Variants in HS6ST3 observed in about 807,000 individuals in gnomAD.
HS6ST3 encodes the protein heparan-sulfate 6-O-sulfotransferase 3.
A neutral mutation model predicts 36.7 loss-of-function variants in HS6ST3; 12 were observed. That is an observed-to-expected ratio of 0.33 (90% CI 0.21 to 0.53). HS6ST3 has a LOEUF of 0.53. HS6ST3 is among the 20% of genes least tolerant of loss of function. HS6ST3 has a pLI of 0.95. For synonymous variants in HS6ST3, 240 were observed against 257.5 expected (o/e 0.93, Z 0.65); for missense variants, 584 against 640.9 (o/e 0.91, Z 0.96).
chr13:96,298,038 C>G (rs1276644659), intron 1 of HS6ST3, among the ~76,000 whole-genome samples: 1 of 151,768 alleles, frequency 6.6e-6, no homozygotes, highest in Non-Finnish European at 1.5e-5. Flanking sequence ...GAAAAAAAAC[C>G]TGTTGTTTTG....
At chr13:96,467,672 T>A (rs1256862382) in intron 1 of HS6ST3, among the ~76,000 whole-genome samples, 3 of 152,186 alleles carry the variant, frequency 2.0e-5, no homozygotes, top group Non-Finnish European at 2.9e-5. Context: ...AATCTAGCAT[T>A]TCCTGTATGA....
chr13:96,496,328 G>A (rs147080649), intron 1 of HS6ST3, among the ~76,000 whole-genome samples: 2 of 152,274 alleles, frequency 1.3e-5, no homozygotes, highest in African/African-American at 4.8e-5. Context: ...TTGCTTCCAA[G>A]AAGGCCACCA....
chr13:96,701,926 C>T (rs1018064905), intron 1 of HS6ST3, among the ~76,000 whole-genome samples: 3 of 152,166 alleles, frequency 2.0e-5, no homozygotes, highest in African/African-American at 7.2e-5. Context: ...CATGCCACTG[C>T]ACTGCAGCCT....
chr13:96,773,575 G>A (rs928687005), intron 1 of HS6ST3, among the ~76,000 whole-genome samples: 8 of 152,182 alleles, frequency 5.3e-5, no homozygotes, highest in African/African-American at 1.7e-4. Flanking sequence ...TTCCAACGGG[G>A]CAGAACCCAC....
chr13:96,352,796 T>C (rs972195534), intron 1 of HS6ST3, among the ~76,000 whole-genome samples: 1 of 152,198 alleles, frequency 6.6e-6, no homozygotes, highest in African/African-American at 2.4e-5. Context: ...AAACACGTAG[T>C]CTTTACCAGG....
At chr13:96,754,897 A>G (rs1876786102) in intron 1 of HS6ST3, among the ~76,000 whole-genome samples, 1 of 152,122 alleles carries the variant, frequency 6.6e-6, no homozygotes, top group Non-Finnish European at 1.5e-5. Flanking sequence ...GTACATATAT[A>G]TCATATATAA....
intron 1 of HS6ST3, among the ~76,000 whole-genome samples, chr13:96,317,344 AT>A (rs1226950392): frequency 4.8e-3 from 87 of 18,258 alleles, no homozygotes; most frequent in South Asian, 0.015. Context: ...ATATATATAT[AT>A]ATATATATAT....
intron 1 of HS6ST3, among the ~76,000 whole-genome samples, chr13:96,248,647 T>C (rs902947335): frequency 6.6e-6 from 1 of 152,202 alleles, no homozygotes; most frequent in Admixed American, 6.5e-5. Context: ...TGGATTTGGA[T>C]GGCTATGCAG....
chr13:96,651,880 G>C (rs1254616176), intron 1 of HS6ST3, among the ~76,000 whole-genome samples: 5 of 152,060 alleles, frequency 3.3e-5, no homozygotes, highest in Non-Finnish European at 7.4e-5. Flanking sequence ...GTTAGTATAT[G>C]TGTAATGAAT....
intron 1 of HS6ST3, among the ~76,000 whole-genome samples, chr13:96,574,947 G>C (rs891978161): frequency 6.6e-6 from 1 of 152,108 alleles, no homozygotes; most frequent in African/African-American, 2.4e-5. Flanking sequence ...AACAGTTTTA[G>C]GTTGTTTCAA....
chr13:96,690,002 G>A (rs981362377), intron 1 of HS6ST3, among the ~76,000 whole-genome samples: 1 of 151,996 alleles, frequency 6.6e-6, no homozygotes, highest in Non-Finnish European at 1.5e-5. Context: ...GTTTTAAATT[G>A]CAGGGAAGAA....
At chr13:96,108,952 C>CCTATCTGTATCTCTATCT (rs1555386079) in intron 1 of HS6ST3, among the ~76,000 whole-genome samples, 24 of 147,928 alleles carry the variant, frequency 1.6e-4, no homozygotes, top group African/African-American at 6.0e-4. Context: ...GACAACCACT[C>CCTATCTGTATCTCTATCT]CTATCTCTAT....
chr13:96,621,875 G>A (rs1043085175), intron 1 of HS6ST3, among the ~76,000 whole-genome samples: 6 of 152,196 alleles, frequency 3.9e-5, no homozygotes, highest in Non-Finnish European at 8.8e-5. Context: ...CAGGGGAATT[G>A]TGAGGTGTCT....
intron 1 of HS6ST3, among the ~76,000 whole-genome samples, chr13:96,719,085 TAACACGGTTA>T (rs1389729240): frequency 1.3e-5 from 2 of 152,070 alleles, no homozygotes; most frequent in Non-Finnish European, 2.9e-5. Context: ...CCATCCTGGC[TAACACGGTTA>T]AACCCCATCT....
intron 1 of HS6ST3, among the ~76,000 whole-genome samples, chr13:96,606,389 C>T (rs2056438769): frequency 6.6e-6 from 1 of 151,718 alleles, no homozygotes; most frequent in Admixed American, 6.6e-5. Flanking sequence ...TACTATGCAG[C>T]CATTAAAAAA....
intron 1 of HS6ST3, among the ~76,000 whole-genome samples, chr13:96,553,452 G>A (rs1192399654): frequency 6.6e-6 from 1 of 152,254 alleles, no homozygotes; most frequent in East Asian, 1.9e-4. Flanking sequence ...CTGTCTAGGG[G>A]CAAAAAGATA....
At chr13:96,494,024 G>C (rs1182954341) in intron 1 of HS6ST3, among the ~76,000 whole-genome samples, 1 of 151,982 alleles carries the variant, frequency 6.6e-6, no homozygotes, top group Admixed American at 6.6e-5. Context: ...CTATGTCAAT[G>C]GTTCTTCGTC....
intron 1 of HS6ST3, among the ~76,000 whole-genome samples, chr13:96,337,212 C>A (rs778764554): frequency 2.0e-4 from 30 of 151,984 alleles, no homozygotes; most frequent in Non-Finnish European, 3.5e-4. Context: ...GACTATAGGC[C>A]CCTGCCACCA....
At chr13:96,600,621 T>C (rs2138981937) in intron 1 of HS6ST3, among the ~76,000 whole-genome samples, 1 of 152,266 alleles carries the variant, frequency 6.6e-6, no homozygotes, top group East Asian at 1.9e-4. Context: ...AAATTCATTA[T>C]GCCAATCTGT....
Sources: allele counts gnomAD v4.1 joint callset (sites outside exome capture counted in the v4.1 genomes callset), GRCh38; gene constraint gnomAD v4.1.1; transcripts MANE v1.5; gene names NCBI Gene and HGNC (gene_info 2026-07-23, HGNC 2026-07-21).